ELAPOR1: variants seen among roughly 807,000 people sequenced by gnomAD.
ELAPOR1 encodes endosome/lysosome-associated apoptosis and autophagy regulator 1.
A neutral mutation model predicts 119.7 loss-of-function variants in ELAPOR1; 77 were observed. The observed-to-expected ratio is 0.64, with a 90% confidence interval of 0.54 to 0.78. ELAPOR1 has a LOEUF of 0.78. Among genes scored for constraint, ELAPOR1 ranks in the 30% least tolerant of loss-of-function variants. The pLI is 0.00. For synonymous variants in ELAPOR1, 481 were observed against 487.2 expected, an observed-to-expected ratio of 0.99 and a Z score of 0.17; for missense variants, 1,115 against 1,270.4, an observed-to-expected ratio of 0.88 and a Z score of 1.86.
intron 1 of ELAPOR1, among the ~76,000 whole-genome samples, chr1:109,150,468 G>T (rs990492884): frequency 6.6e-6 from 1 of 152,166 alleles, no homozygotes; most frequent in South Asian, 2.1e-4. Flanking sequence ...TTGCTTCTTC[G>T]ACTGCTGCTG....
At chr1:109,177,338 G>C (rs1341598228) in intron 7 of ELAPOR1, among the ~76,000 whole-genome samples, 1 of 128,268 alleles carries the variant, frequency 7.8e-6, no homozygotes, top group Non-Finnish European at 1.6e-5. Context: ...TCACTTCTCA[G>C]ACCGGGCGGC....
chr1:109,155,555 G>A (rs1650828071), intron 1 of ELAPOR1, among the ~76,000 whole-genome samples: 1 of 151,780 alleles, frequency 6.6e-6, no homozygotes, highest in African/African-American at 2.4e-5. Flanking sequence ...TTGTTCCTGA[G>A]CTATATAAAC....
At chr1:109,137,465 A>G (rs1414956813) in intron 1 of ELAPOR1, among the ~76,000 whole-genome samples, 1 of 151,968 alleles carries the variant, frequency 6.6e-6, no homozygotes. Flanking sequence ...CGGCCGCCCA[A>G]AGTGCTGGGA....
At chr1:109,178,141 CT>C (rs202045844) in intron 7 of ELAPOR1, among the ~76,000 whole-genome samples, 2,431 of 151,590 alleles carry the variant, frequency 0.016, 50 homozygotes, top group African/African-American at 0.054. Flanking sequence ...TCCCGAGTAA[CT>C]AGGATTACAG....
intron 21 of ELAPOR1, 91 bp from the exon 22 acceptor site, chr1:109,202,853 G>T: frequency 8.4e-7 from 1 of 1,188,976 alleles, no homozygotes; most frequent in Non-Finnish European, 1.3e-6. Context: ...TTTCATAAGG[G>T]TTCCTTCTGT....
chr1:109,137,784 C>G (rs1570623744), intron 1 of ELAPOR1, among the ~76,000 whole-genome samples: 1 of 151,670 alleles, frequency 6.6e-6, no homozygotes, highest in African/African-American at 2.4e-5. Flanking sequence ...CGCCTCGGCC[C>G]CCCAAAGTGC....
chr1:109,181,379 C>A (rs1417740119), intron 7 of ELAPOR1, among the ~76,000 whole-genome samples: 2 of 152,156 alleles, frequency 1.3e-5, no homozygotes, highest in Non-Finnish European at 2.9e-5. Flanking sequence ...CTCCCTCAAC[C>A]AAACACAGAG....
rs1172246278 is a variant in ELAPOR1, at chr1:109,200,152, T to C, written c.2722T>C (p.Trp908Arg). The C allele has an allele frequency of 7.4e-6, 12 of 1,614,250 alleles. No homozygotes were observed. Among genetic ancestry groups the C allele is most frequent in the Non-Finnish European group, 1.0e-5 (12 of 1,180,052 alleles). The change falls in exon 20 of 22, where the codon TGG becomes CGG. Residue 908 changes from tryptophan to arginine, a missense_variant. Transcript: ENST00000369939. ...RVTICKTIDF[W>R]LKVGISAGTC... Reference sequence around the variant, plus strand: ...CACCATCTGCAAAACCATAGATTTCTGGCTGAAAGTGGGCATCTCTGCAGG... The same window carrying C: ...CACCATCTGCAAAACCATAGATTTCCGGCTGAAAGTGGGCATCTCTGCAGG...
chr1:109,179,534 A>T (rs1030200172), intron 7 of ELAPOR1, among the ~76,000 whole-genome samples: 10 of 152,128 alleles, frequency 6.6e-5, no homozygotes, highest in African/African-American at 2.2e-4. Context: ...GCAGGCCGGA[A>T]ACAGATTATG....
rs149347928 is a variant in ELAPOR1 at position 109,123,760 on chromosome 1, A to G, written c.153+9424A>G. 5.6e-3 allele frequency among the ~76,000 whole-genome samples: 850 copies of G among 152,316 alleles called. 8 individuals carry two copies. The highest frequency in any genetic ancestry group is 0.019 in the African/African-American group (789 of 41,576). ...ATTATATCTTTCCAGCTTTCTCTCC[A>G]TACTTATAGACTTTCTAGACCTCTG... On this transcript the variant is annotated intron_variant, in intron 1 of 21. Coordinates refer to ENST00000369939, the MANE Select transcript of ELAPOR1 (RefSeq NM_020775.5).
chr1:109,135,842 G>C (rs1649436293), intron 1 of ELAPOR1, among the ~76,000 whole-genome samples: 1 of 152,192 alleles, frequency 6.6e-6, no homozygotes, highest in South Asian at 2.1e-4. Context: ...GCCCTGAGCT[G>C]GGTGGTGGGA....
At chr1:109,173,182 C>G (rs1652030496) in intron 5 of ELAPOR1, among the ~76,000 whole-genome samples, 1 of 151,374 alleles carries the variant, frequency 6.6e-6, no homozygotes, top group Non-Finnish European at 1.5e-5. Context: ...TGAGGGAGTG[C>G]CAGTCACCCT....
intron 1 of ELAPOR1, among the ~76,000 whole-genome samples, chr1:109,116,660 T>C (rs1326334666): frequency 6.7e-6 from 1 of 149,114 alleles, no homozygotes; most frequent in Non-Finnish European, 1.5e-5. Flanking sequence ...CAATTCAAGG[T>C]AGACCAGCTC....
chr1:109,121,030 A>G (rs542196733), intron 1 of ELAPOR1, among the ~76,000 whole-genome samples: 1 of 152,376 alleles, frequency 6.6e-6, no homozygotes, highest in Non-Finnish European at 1.5e-5. Flanking sequence ...AACGTCTTTC[A>G]GGGAAGTGCC....
intron 1 of ELAPOR1, among the ~76,000 whole-genome samples, chr1:109,141,057 G>T (rs181000738): frequency 7.9e-5 from 12 of 151,988 alleles, no homozygotes; most frequent in African/African-American, 2.9e-4. Flanking sequence ...TCACCGGGTT[G>T]GCCAGGCTGG....
intron 1 of ELAPOR1, among the ~76,000 whole-genome samples, chr1:109,117,480 C>G (rs1648092533): frequency 6.6e-6 from 1 of 152,130 alleles, no homozygotes; most frequent in Non-Finnish European, 1.5e-5. Flanking sequence ...ATTGAAAAGC[C>G]CATGGGTTAG....
chr1:109,118,063 G>T (rs1648138282), intron 1 of ELAPOR1, among the ~76,000 whole-genome samples: 1 of 151,930 alleles, frequency 6.6e-6, no homozygotes, highest in African/African-American at 2.4e-5. Flanking sequence ...GGAGGCGGAG[G>T]TTGCAGTGAA....
Position 109,194,550 on chromosome 1 carries a change from C to T in ELAPOR1, c.2077C>T (p.Leu693=), listed in dbSNP as rs2359243. The T allele has an allele frequency of 0.76, 1,227,891 of 1,612,634 alleles. 476,441 individuals carry two copies. The highest frequency in any genetic ancestry group is 0.98 in the East Asian group (43,877 of 44,858). ...AGGPSFTSKG[L]KYFHHFTLSL... ...AGGGCCAAGCTTCACTTCCAAAGGG[C>T]TGAAATACTTCCATCACTTTACCCT... Residue 693 remains leucine (L), a synonymous_variant, in exon 15 of 22, where the codon CTG becomes TTG. Coordinates refer to ENST00000369939, the MANE Select transcript of ELAPOR1 (RefSeq NM_020775.5).
At chr1:109,164,461 A>T in intron 2 of ELAPOR1, 38 bp from the exon 3 acceptor site, 1 of 1,568,842 alleles carries the variant, frequency 6.4e-7, no homozygotes, top group African/African-American at 1.3e-5. Context: ...GGCTGCAGTG[A>T]CCTCACTGCC....
Sources: allele counts gnomAD v4.1 joint callset (sites outside exome capture counted in the v4.1 genomes callset), GRCh38; gene constraint gnomAD v4.1.1; transcripts MANE v1.5; gene names NCBI Gene and HGNC (gene_info 2026-07-23, HGNC 2026-07-21).